The following PTGFRN variants were observed in gnomAD, a reference collection of about 807,000 sequenced individuals.
The protein encoded by PTGFRN is prostaglandin F2 receptor negative regulator.
In PTGFRN, 35 loss-of-function variants were observed where a neutral mutation model predicts 83.2. That is an observed-to-expected ratio of 0.42 (90% CI 0.32 to 0.56). The LOEUF is 0.56. PTGFRN is among the 20% of genes least tolerant of loss of function. The probability of loss-of-function intolerance (pLI) is 0.11; values close to 1 mark genes in which losing one functional copy is unlikely to be tolerated. For synonymous variants in PTGFRN, 519 were observed against 498.6 expected (o/e 1.04, Z -0.55); for missense variants, 1,051 against 1,179.5 (o/e 0.89, Z 1.60).
chr1:116,943,295 A>G (rs1428766696), intron 2 of PTGFRN, among the ~76,000 whole-genome samples: 1 of 152,174 alleles, frequency 6.6e-6, no homozygotes. Flanking sequence ...TATTTAGAAA[A>G]AGACACTCTT....
intron 1 of PTGFRN, among the ~76,000 whole-genome samples, chr1:116,921,681 T>A (rs938507476): frequency 6.6e-6 from 1 of 152,192 alleles, no homozygotes; most frequent in Non-Finnish European, 1.5e-5. Flanking sequence ...TGACTCTGTT[T>A]CTGACATTGT....
chr1:116,967,520 G>C (rs1164599865), intron 6 of PTGFRN, among the ~76,000 whole-genome samples, 190 bp downstream of exon 6: 1 of 152,166 alleles, frequency 6.6e-6, no homozygotes, highest in Admixed American at 6.5e-5. Context: ...ACCACGACCA[G>C]TTTTAGAACA....
Position 116,990,204 on chromosome 1 carries a change from C to T in PTGFRN, c.*3237C>T, listed in dbSNP as rs892793617. On this transcript the variant is annotated 3_prime_UTR_variant, in exon 9 of 9. Transcript: ENST00000393203. Reference sequence around the variant, plus strand: ...TTTAAGTGTGGCACATAAGGATCTGCAGAATTTTCCGTAGACAAAGAAAGG... The same window carrying T: ...TTTAAGTGTGGCACATAAGGATCTGTAGAATTTTCCGTAGACAAAGAAAGG... 2.0e-5 allele frequency: 3 copies of T among 152,582 alleles called. No individual in the cohort carries two copies. Among genetic ancestry groups the T allele is most frequent in the Non-Finnish European group, 4.4e-5 (3 of 68,038 alleles). 9.5% of individuals were successfully genotyped at this position (152,582 alleles called of 1,614,324 possible).
At chr1:116,977,890 A>T (rs1651200571) in intron 7 of PTGFRN, among the ~76,000 whole-genome samples, 1 of 152,252 alleles carries the variant, frequency 6.6e-6, no homozygotes, top group South Asian at 2.1e-4. Context: ...GCTGAAGGAG[A>T]TAGAGACACA....
chr1:116,948,431 A>T (rs540345415), intron 3 of PTGFRN, among the ~76,000 whole-genome samples: 1 of 152,314 alleles, frequency 6.6e-6, no homozygotes, highest in African/African-American at 2.4e-5. Context: ...ATCGTGTTTT[A>T]GTTTTAGAAT....
intron 4 of PTGFRN, among the ~76,000 whole-genome samples, chr1:116,960,496 G>A (rs919866504): frequency 1.3e-5 from 2 of 152,202 alleles, no homozygotes; most frequent in Admixed American, 6.5e-5. Flanking sequence ...GGGGATGCTA[G>A]GAGAATGCTG....
intron 1 of PTGFRN, among the ~76,000 whole-genome samples, chr1:116,939,300 A>G (rs1650005313): frequency 6.6e-6 from 1 of 152,156 alleles, no homozygotes; most frequent in Non-Finnish European, 1.5e-5. Flanking sequence ...CCTGCAACAA[A>G]CTTCTGCCTT....
chr1:116,915,249 C>T (rs943179185), intron 1 of PTGFRN, among the ~76,000 whole-genome samples: 3 of 152,220 alleles, frequency 2.0e-5, no homozygotes, highest in Non-Finnish European at 2.9e-5. Context: ...AGGGTTAGTG[C>T]AGCCCAGGTA....
intron 1 of PTGFRN, among the ~76,000 whole-genome samples, chr1:116,940,491 C>G (rs59085346): frequency 0.015 from 2,215 of 152,264 alleles, 46 homozygotes; most frequent in African/African-American, 0.05. Flanking sequence ...CTGTGACAAC[C>G]CTGTTGCCAA....
chr1:116,974,375 C>G, intron 7 of PTGFRN, 52 bp downstream of exon 7: 4 of 1,353,390 alleles, frequency 3.0e-6, no homozygotes, highest in Non-Finnish European at 4.2e-6. Flanking sequence ...GTAAATGTTT[C>G]TCATATCATC....
intron 7 of PTGFRN, among the ~76,000 whole-genome samples, chr1:116,983,585 G>C (rs77876907): frequency 0.053 from 8,099 of 151,518 alleles, 614 homozygotes; most frequent in East Asian, 0.41. Flanking sequence ...TGTTTAGAGT[G>C]AGCTAAGGAA....
chr1:116,945,137 AATG>A, intron 3 of PTGFRN, 45 bp downstream of exon 3: 7 of 1,551,626 alleles, frequency 4.5e-6, no homozygotes, highest in Non-Finnish European at 6.1e-6. Flanking sequence ...TTTTGTGACT[AATG>A]ATAGTGATAC....
intron 1 of PTGFRN, among the ~76,000 whole-genome samples, chr1:116,920,299 A>G (rs1649506458): frequency 6.6e-6 from 1 of 152,268 alleles, no homozygotes; most frequent in Non-Finnish European, 1.5e-5. Flanking sequence ...CCCTGGGGGA[A>G]GTCACAGAAA....
In PTGFRN at chr1:116,961,808, C is replaced by T. The variant is rs140441746; in HGVS notation, c.1639+140C>T. 1.5e-4 allele frequency: 126 copies of T among 843,484 alleles called. 1 individual carries two copies. In the East Asian group the frequency reaches 2.5e-3, roughly 17 times the overall value. The allele number at this position is 843,484 out of a possible 1,614,324, so 52.2% of individuals were successfully genotyped here. ...CCTGGACATTGATCGCCATGCGACC[C>T]GTTGCACATGCTCTTTGGACTCACT... is the stretch of plus-strand genomic sequence containing the variant. On this transcript the variant is annotated intron_variant, in intron 5 of 8. Transcript: ENST00000393203. The surrounding 1 kb of genome is among the most constrained non-coding windows in gnomAD (Gnocchi z 5.4).
intron 3 of PTGFRN, 88 bp from the exon 4 acceptor site, chr1:116,949,104 C>T: frequency 6.8e-7 from 1 of 1,474,924 alleles, no homozygotes; most frequent in South Asian, 1.4e-5. Flanking sequence ...TAAATAAGAA[C>T]TTAAAAGGAG....
chr1:116,930,395 C>T (rs558181115), intron 1 of PTGFRN, among the ~76,000 whole-genome samples: 20 of 152,220 alleles, frequency 1.3e-4, no homozygotes, highest in South Asian at 4.1e-4. Flanking sequence ...ATCTGTCTCC[C>T]GATGGTGTCA....
At chr1:116,917,426 T>C (rs1358008867) in intron 1 of PTGFRN, among the ~76,000 whole-genome samples, 1 of 151,808 alleles carries the variant, frequency 6.6e-6, no homozygotes, top group Non-Finnish European at 1.5e-5. Flanking sequence ...CCAGAGAAGG[T>C]GGCACAGGGG....
chr1:116,911,164 C>T (rs891154300), intron 1 of PTGFRN, among the ~76,000 whole-genome samples: 8 of 152,130 alleles, frequency 5.3e-5, no homozygotes, highest in African/African-American at 1.9e-4. Flanking sequence ...CACCATGGTA[C>T]CCCAGGGCCG....
At chr1:116,922,275 T>TA (rs1428188469) in intron 1 of PTGFRN, among the ~76,000 whole-genome samples, 1 of 152,208 alleles carries the variant, frequency 6.6e-6, no homozygotes, top group Non-Finnish European at 1.5e-5. Flanking sequence ...ACAAAACAAT[T>TA]ACTGATGTTC....
Sources: allele counts gnomAD v4.1 joint callset (sites outside exome capture counted in the v4.1 genomes callset), GRCh38; gene constraint gnomAD v4.1.1; non-coding constraint Gnocchi (gnomAD v3.1); transcripts MANE v1.5; gene names NCBI Gene and HGNC (gene_info 2026-07-23, HGNC 2026-07-21).